The following TRPM3 variants were observed in gnomAD, a reference collection of about 807,000 sequenced individuals.
The protein encoded by TRPM3 is long transient receptor potential channel 3.
A neutral mutation model predicts 181.2 loss-of-function variants in TRPM3; 77 were observed. That is an observed-to-expected ratio of 0.42 (90% CI 0.35 to 0.51). TRPM3 has a LOEUF of 0.51. Ranked by LOEUF, TRPM3 falls within the 20% of genes least tolerant of loss-of-function variation. The pLI is 0.01. For missense variants in TRPM3, 1,759 were observed against 2,196.7 expected (o/e 0.80, Z 3.98); for synonymous variants, 745 against 796.4 (o/e 0.94, Z 1.09).
At chr9:70,910,899 G>C (rs1040675069) in intron 1 of TRPM3, among the ~76,000 whole-genome samples, 1 of 152,150 alleles carries the variant, frequency 6.6e-6, no homozygotes, top group African/African-American at 2.4e-5. Flanking sequence ...CTTTGACTTT[G>C]CTGCAGCAAT....
chr9:71,399,521 C>CTTTT lies in TRPM3; in HGVS notation c.183+47128_183+47131dup, dbSNP rs1415739241. ...ATATTCATTTTACTCCTTATATTTT[C>CTTTT]TTTTGTTTTTTTTTTTTTTTTTTTT... is the stretch of plus-strand genomic sequence containing the variant. On this transcript the variant is annotated intron_variant, in intron 1 of 24. Coordinates refer to the TRPM3 transcript ENST00000357533. Among the ~76,000 whole-genome samples, 46 of 107,492 alleles carry CTTTT rather than the reference C, an allele frequency of 4.3e-4. 3 individuals carry two copies. The highest frequency in any genetic ancestry group is 7.1e-4 in the Non-Finnish European group (35 of 49,492). The allele number at this position is 107,492 out of a possible 152,430, so 70.5% of individuals were successfully genotyped here.
At chr9:70,557,851 G>C (rs901462127) in intron 22 of TRPM3, among the ~76,000 whole-genome samples, 6 of 152,134 alleles carry the variant, frequency 3.9e-5, no homozygotes, top group Non-Finnish European at 8.8e-5. Context: ...CCTCTTTCAT[G>C]GTGACAGTCA....
rs1486876377 is a variant in TRPM3 at position 71,159,194 on chromosome 9, T to C, written c.183+287459A>G. ...TTTACGGTGTGTGTGTGGGTATGTA[T>C]GTGTCCAATTGGTTCTAATCGGTTC... On this transcript the variant is annotated intron_variant, in intron 1 of 24. Transcript: ENST00000357533. 3.3e-5 allele frequency among the ~76,000 whole-genome samples: 5 copies of C among 152,060 alleles called. No homozygotes were observed. The East Asian group carries it at 9.6e-4, about 29-fold the overall frequency.
intron 3 of TRPM3, among the ~76,000 whole-genome samples, chr9:70,855,879 AAT>A (rs2095373151): frequency 6.6e-6 from 1 of 152,208 alleles, no homozygotes; most frequent in African/African-American, 2.4e-5. Flanking sequence ...TAGATAAAAA[AAT>A]ATCCTTAGAA....
chr9:70,680,813 G>A (rs2065227669), intron 9 of TRPM3, among the ~76,000 whole-genome samples: 1 of 152,182 alleles, frequency 6.6e-6, no homozygotes, highest in Admixed American at 6.6e-5. Context: ...ACTTAGTAAA[G>A]CACAGGAAGG....
chr9:71,118,654 T>C (rs1412113019), intron 1 of TRPM3, among the ~76,000 whole-genome samples: 1 of 152,170 alleles, frequency 6.6e-6, no homozygotes, highest in Non-Finnish European at 1.5e-5. Context: ...CAGGTCATAT[T>C]AGAACAATGC....
chr9:70,815,395 G>T (rs1564422697), intron 6 of TRPM3, among the ~76,000 whole-genome samples: 1 of 152,030 alleles, frequency 6.6e-6, no homozygotes, highest in Non-Finnish European at 1.5e-5. Context: ...TGGGGCTAAA[G>T]GGTACATATA....
chr9:70,837,176 T>G (rs1358316929), intron 5 of TRPM3, among the ~76,000 whole-genome samples: 2 of 152,166 alleles, frequency 1.3e-5, no homozygotes, highest in Non-Finnish European at 2.9e-5. Context: ...TCCTGGAAAG[T>G]TTTCTGAGCT....
At chr9:70,979,089 T>C (rs998632651) in intron 1 of TRPM3, among the ~76,000 whole-genome samples, 2 of 152,212 alleles carry the variant, frequency 1.3e-5, no homozygotes, top group Admixed American at 1.3e-4. Flanking sequence ...GGTTCATTTG[T>C]GTACTGCTTC....
chr9:70,814,662 G>A lies in TRPM3; in HGVS notation c.973+13185C>T, dbSNP rs1173228375. Among the ~76,000 whole-genome samples, 4 of 152,024 alleles carry A rather than the reference G, an allele frequency of 2.6e-5. No individual in the cohort carries two copies. In the East Asian group the frequency reaches 7.7e-4, roughly 29 times the overall value. ...CAGCCTCTCTTATGTTTCCTGACCT[G>A]ACTCTTTCCTTTTGTTTTAAAAGGA... On this transcript the variant is annotated intron_variant, in intron 6 of 25. Coordinates refer to ENST00000677713, the MANE Select transcript of TRPM3 (RefSeq NM_001366145.2).
At chr9:71,259,757 T>G (rs2082914960) in intron 1 of TRPM3, among the ~76,000 whole-genome samples, 1 of 152,120 alleles carries the variant, frequency 6.6e-6, no homozygotes, top group Non-Finnish European at 1.5e-5. Context: ...TTTTTGTAAG[T>G]TTGTTTAAGT....
intron 22 of TRPM3, among the ~76,000 whole-genome samples, chr9:70,553,706 G>T (rs2046993405): frequency 6.6e-6 from 1 of 152,230 alleles, no homozygotes; most frequent in Admixed American, 6.5e-5. Flanking sequence ...TTCAAAATGT[G>T]CTGTAGAGGC....
At chr9:70,740,009 T>A (rs1486394409) in intron 8 of TRPM3, among the ~76,000 whole-genome samples, 1 of 152,144 alleles carries the variant, frequency 6.6e-6, no homozygotes, top group Non-Finnish European at 1.5e-5. Context: ...GGCATCCAAA[T>A]CGGTAAACAG....
At chr9:70,617,412 G>C (rs1038406830) in intron 17 of TRPM3, among the ~76,000 whole-genome samples, 8 of 152,110 alleles carry the variant, frequency 5.3e-5, no homozygotes, top group African/African-American at 1.9e-4. Flanking sequence ...CAGGGGTGAG[G>C]TTGGGGAGGG....
At chr9:71,141,669 C>T (rs2075107369) in intron 1 of TRPM3, among the ~76,000 whole-genome samples, 1 of 152,174 alleles carries the variant, frequency 6.6e-6, no homozygotes, top group African/African-American at 2.4e-5. Flanking sequence ...GTGTTTGAAG[C>T]AGATCTCTGA....
intron 1 of TRPM3, among the ~76,000 whole-genome samples, chr9:70,868,615 G>C (rs943737230): frequency 6.6e-6 from 1 of 151,734 alleles, no homozygotes; most frequent in South Asian, 2.1e-4. Flanking sequence ...ACACACACAG[G>C]GTATATTAAA....
At chr9:71,180,609 A>C (rs1235919984) in intron 1 of TRPM3, among the ~76,000 whole-genome samples, 1 of 152,156 alleles carries the variant, frequency 6.6e-6, no homozygotes, top group Non-Finnish European at 1.5e-5. Flanking sequence ...TAGCATGGAT[A>C]CACAGTTCCC....
chr9:71,194,195 A>T (rs2078200535), intron 1 of TRPM3, among the ~76,000 whole-genome samples: 1 of 151,896 alleles, frequency 6.6e-6, no homozygotes, highest in African/African-American at 2.4e-5. Flanking sequence ...ATTTTCATTA[A>T]GTGTTTGATG....
intron 1 of TRPM3, among the ~76,000 whole-genome samples, chr9:70,980,266 G>T (rs1446679340): frequency 3.3e-5 from 5 of 152,066 alleles, no homozygotes; most frequent in South Asian, 2.1e-4. Context: ...GAGGAATTGG[G>T]ATTTCCAGAG....
Sources: allele counts gnomAD v4.1 joint callset (sites outside exome capture counted in the v4.1 genomes callset), GRCh38; gene constraint gnomAD v4.1.1; transcripts MANE v1.5; gene names NCBI Gene and HGNC (gene_info 2026-07-23, HGNC 2026-07-21).